TACR3: variants seen among roughly 807,000 people sequenced by gnomAD.
The protein encoded by TACR3 is neuromedin-K receptor.
A neutral mutation model predicts 35.0 loss-of-function variants in TACR3; 34 were observed. The observed-to-expected ratio is 0.97, with a 90% CI of 0.74 to 1.30. The LOEUF (loss-of-function observed/expected upper bound fraction) is 1.30. Ranked by LOEUF, TACR3 falls within the 50% of genes most tolerant of loss-of-function variation. The pLI is 0.00. For synonymous variants in TACR3, 233 were observed against 221.1 expected (o/e 1.05, Z -0.48); for missense variants, 558 against 591.7 (o/e 0.94, Z 0.59).
intron 3 of TACR3, among the ~76,000 whole-genome samples, chr4:103,654,381 G>A (rs1349369476): frequency 6.7e-6 from 1 of 148,382 alleles, no homozygotes; most frequent in Non-Finnish European, 1.5e-5. Context: ...AAAATGATGA[G>A]TTCATGTCCT....
chr4:103,719,213 C>A lies in TACR3; in HGVS notation c.463G>T (p.Ala155Ser). ...AAGTTCTGGAAGCGGCAGTAGTTGG[C>A]GCCAAAGTACCACTCGCTATGAAGC... is the stretch of plus-strand genomic sequence containing the variant. ...YALHSEWYFG[A>S]NYCRFQNFFP... Residue 155 changes from alanine (A) to serine (S), a missense_variant, in exon 1 of 5, where the codon GCC (alanine) becomes TCC (serine). Ala to Ser is a moderately conservative substitution (Grantham distance 99). Coordinates refer to ENST00000304883, the MANE Select transcript of TACR3 (RefSeq NM_001059.3). The A allele has an allele frequency of 6.2e-7, 1 of 1,614,146 alleles. No homozygotes were observed. Among genetic ancestry groups the A allele is most frequent in the Non-Finnish European group, 8.5e-7 (1 of 1,180,028 alleles).
intron 3 of TACR3, among the ~76,000 whole-genome samples, chr4:103,640,748 A>AT (rs201939645): frequency 0.026 from 3,904 of 151,252 alleles, 84 homozygotes; most frequent in Middle Eastern, 0.048. Context: ...TTTTTTTACG[A>AT]TTTTTTTTCT....
At chr4:103,643,253 G>A (rs562727357) in intron 3 of TACR3, among the ~76,000 whole-genome samples, 8 of 151,810 alleles carry the variant, frequency 5.3e-5, no homozygotes, top group Non-Finnish European at 2.9e-5. Context: ...GCTACCTGTG[G>A]TTAGTGGCTA....
intron 1 of TACR3, among the ~76,000 whole-genome samples, chr4:103,677,342 A>T (rs1265814435): frequency 6.6e-6 from 1 of 152,172 alleles, no homozygotes; most frequent in Non-Finnish European, 1.5e-5. Flanking sequence ...TATTCGACCC[A>T]GCAATCCCAT....
chr4:103,635,588 T>C (rs1196804147), intron 3 of TACR3, among the ~76,000 whole-genome samples: 1 of 152,014 alleles, frequency 6.6e-6, no homozygotes, highest in African/African-American at 2.4e-5. Flanking sequence ...CTAACCAAAA[T>C]CAAGTGCACA....
chr4:103,639,167 A>T (rs529379088), intron 3 of TACR3, among the ~76,000 whole-genome samples: 1 of 152,278 alleles, frequency 6.6e-6, no homozygotes, highest in East Asian at 1.9e-4. Flanking sequence ...ACTATTCACA[A>T]TAGCAAAGAC....
rs544619290 is a variant in TACR3, at chr4:103,594,848, ATACTC to A, written c.889-3170_889-3166del. On this transcript the variant is annotated intron_variant, in intron 3 of 4. Coordinates refer to ENST00000304883, the MANE Select transcript of TACR3 (RefSeq NM_001059.3). Reference sequence around the variant, plus strand: ...TTAAAAATTTTAAGAAAAGCTTAAAATACTCTACAGAAATGTTTATAAGTGAAACA... The same window carrying A: ...TTAAAAATTTTAAGAAAAGCTTAAAATACAGAAATGTTTATAAGTGAAACA... 1.4e-3 allele frequency among the ~76,000 whole-genome samples: 213 copies of A among 152,340 alleles called. 4 individuals are homozygous for A. In the South Asian group the frequency reaches 0.042, roughly 30 times the overall value.
At chr4:103,710,370 A>ACT (rs1481022436) in intron 1 of TACR3, among the ~76,000 whole-genome samples, 5 of 152,312 alleles carry the variant, frequency 3.3e-5, no homozygotes, top group African/African-American at 9.6e-5. Context: ...AAACTGCTCA[A>ACT]GTGCATGGAA....
At chr4:103,690,420 G>A (rs987432734) in intron 1 of TACR3, among the ~76,000 whole-genome samples, 2 of 151,954 alleles carry the variant, frequency 1.3e-5, no homozygotes, top group Non-Finnish European at 2.9e-5. Context: ...GACAAACTAG[G>A]AACTCATTAG....
At chr4:103,631,177 G>T (rs959683692) in intron 3 of TACR3, among the ~76,000 whole-genome samples, 3 of 152,032 alleles carry the variant, frequency 2.0e-5, no homozygotes, top group Non-Finnish European at 4.4e-5. Flanking sequence ...GGGCCTGTCG[G>T]GGTGTGGGTG....
At chr4:103,615,196 T>C (rs1343321582) in intron 3 of TACR3, among the ~76,000 whole-genome samples, 1 of 152,052 alleles carries the variant, frequency 6.6e-6, no homozygotes, top group Non-Finnish European at 1.5e-5. Context: ...GCGCCCGTCC[T>C]ATGAATGTAT....
intron 3 of TACR3, among the ~76,000 whole-genome samples, chr4:103,625,396 G>T (rs1724867079): frequency 6.6e-6 from 1 of 152,036 alleles, no homozygotes; most frequent in Non-Finnish European, 1.5e-5. Context: ...ATTTTGAAAT[G>T]AACTGTTTCC....
At position 103,588,572 on chromosome 4, in the gene TACR3, G is replaced by A. The variant is rs1260667813; in HGVS notation, c.*1110C>T. 1 of 152,056 alleles carries A rather than the reference G, an allele frequency of 6.6e-6. No homozygotes were observed. The highest frequency in any genetic ancestry group is 1.5e-5 in the Non-Finnish European group (1 of 67,978). The allele number at this position is 152,056 out of a possible 1,614,324, so 9.4% of individuals were successfully genotyped here. On this transcript the variant is annotated 3_prime_UTR_variant, in exon 5 of 5. Transcript: ENST00000304883. ...AAAAGGTCTTTCTGTGGAAGGATGT[G>A]TGTTAAACTCACCCTCTTGCTCAGC...
At chr4:103,633,625 T>C (rs1014239800) in intron 3 of TACR3, among the ~76,000 whole-genome samples, 7 of 152,132 alleles carry the variant, frequency 4.6e-5, no homozygotes, top group African/African-American at 1.7e-4. Context: ...TGTGTCCTCA[T>C]AGCTTAGCTC....
At chr4:103,626,109 G>A (rs1724885999) in intron 3 of TACR3, among the ~76,000 whole-genome samples, 2 of 152,092 alleles carry the variant, frequency 1.3e-5, no homozygotes, top group Non-Finnish European at 2.9e-5. Flanking sequence ...CTTTGTTATG[G>A]CAGCTCTAAC....
intron 3 of TACR3, among the ~76,000 whole-genome samples, chr4:103,614,885 T>TG (rs1560807385): frequency 8.9e-5 from 6 of 67,190 alleles, no homozygotes; most frequent in African/African-American, 3.3e-4. Context: ...TATGAATGTG[T>TG]TTTTTTTTTT....
intron 1 of TACR3, among the ~76,000 whole-genome samples, chr4:103,687,193 A>G (rs995734768): frequency 4.2e-4 from 64 of 152,158 alleles, no homozygotes; most frequent in Non-Finnish European, 6.0e-4. Flanking sequence ...ACAAAATTCA[A>G]TAACCCCTCA....
intron 4 of TACR3, 104 bp downstream of exon 4, chr4:103,591,383 T>A: frequency 7.2e-7 from 1 of 1,395,132 alleles, no homozygotes; most frequent in Non-Finnish European, 1.0e-6. Context: ...AATTTTCCCT[T>A]CCTTCTGCAT....
At chr4:103,614,966 C>T (rs966453276) in intron 3 of TACR3, among the ~76,000 whole-genome samples, 34 of 141,174 alleles carry the variant, frequency 2.4e-4, no homozygotes, top group Non-Finnish European at 2.0e-4. Context: ...GCGATCTCCG[C>T]TCACTGCAAG....
Sources: allele counts gnomAD v4.1 joint callset (sites outside exome capture counted in the v4.1 genomes callset), GRCh38; gene constraint gnomAD v4.1.1; transcripts MANE v1.5; gene names NCBI Gene and HGNC (gene_info 2026-07-23, HGNC 2026-07-21).